The following TMEM132D variants were observed in gnomAD, a reference collection of about 807,000 sequenced individuals.
The protein encoded by TMEM132D is mature OL transmembrane protein.
A neutral mutation model predicts 62.3 loss-of-function variants in TMEM132D; 21 were observed. That is an observed-to-expected ratio of 0.34 (90% CI 0.24 to 0.49). The LOEUF (loss-of-function observed/expected upper bound fraction) is 0.49. TMEM132D is among the 20% of genes least tolerant of loss of function. The pLI, the probability that TMEM132D is intolerant of heterozygous loss-of-function variation, is 0.99. For missense variants in TMEM132D, 1,346 were observed against 1,402.8 expected (o/e 0.96, Z 0.65); for synonymous variants, 621 against 575.6 (o/e 1.08, Z -1.13).
chr12:129,736,812 C>T (rs977598257), intron 1 of TMEM132D, among the ~76,000 whole-genome samples: 1 of 137,994 alleles, frequency 7.2e-6, no homozygotes, highest in African/African-American at 2.8e-5. Context: ...TATGATGGTG[C>T]CTTTTTTTTT....
rs1418585924 is a variant in TMEM132D at position 129,726,459 on chromosome 12, G to T, written c.80-25761C>A. 3.9e-5 allele frequency among the ~76,000 whole-genome samples: 6 copies of T among 152,146 alleles called. No individual in the cohort carries two copies. The South Asian group carries it at 1.2e-3, about 32-fold the overall frequency. ...CAGGAACAGCCTCAGCTCATGAAAG[G>T]CATGGTAAAAAGAGAATGTGTGTGG... is the stretch of plus-strand genomic sequence containing the variant. On this transcript the variant is annotated intron_variant, in intron 1 of 8. Transcript: ENST00000422113.
intron 2 of TMEM132D, among the ~76,000 whole-genome samples, chr12:129,653,806 C>A (rs901595154): frequency 6.6e-6 from 1 of 152,176 alleles, no homozygotes; most frequent in Non-Finnish European, 1.5e-5. Flanking sequence ...TTACGTGAGC[C>A]GGTACATTTG....
chr12:129,747,727 G>T (rs1457185662), intron 1 of TMEM132D, among the ~76,000 whole-genome samples: 1 of 143,170 alleles, frequency 7.0e-6, no homozygotes, highest in Non-Finnish European at 1.5e-5. Context: ...CATACACACA[G>T]ACACACACAC....
chr12:129,550,560 C>T (rs1489716353), intron 2 of TMEM132D, among the ~76,000 whole-genome samples: 2 of 152,178 alleles, frequency 1.3e-5, no homozygotes, highest in East Asian at 3.9e-4. Flanking sequence ...CCAGGTGTTC[C>T]ACTCTGTACA....
chr12:129,632,299 C>T (rs975594290), intron 2 of TMEM132D, among the ~76,000 whole-genome samples: 2 of 152,170 alleles, frequency 1.3e-5, no homozygotes, highest in African/African-American at 2.4e-5. Flanking sequence ...CAAGTGCCTA[C>T]GGCTTGCTTA....
chr12:129,578,423 T>TGTGTGTGC (rs1458947607), intron 2 of TMEM132D, among the ~76,000 whole-genome samples: 1 of 151,116 alleles, frequency 6.6e-6, no homozygotes, highest in Admixed American at 6.6e-5. Context: ...TGTGTGTGTG[T>TGTGTGTGC]GTATATATAT....
rs200903641 is a variant in TMEM132D, at chr12:129,759,117, A to G, written c.80-58419T>C. 7.2e-5 allele frequency among the ~76,000 whole-genome samples: 11 copies of G among 152,096 alleles called. No individual in the cohort carries two copies. The East Asian group carries it at 2.1e-3, about 29-fold the overall frequency. On this transcript the variant is annotated intron_variant, in intron 1 of 8. Coordinates refer to ENST00000422113, the MANE Select transcript of TMEM132D (RefSeq NM_133448.3). ...CCTGGCTAATTTTTGTATTTTTAGT[A>G]GAGACAGGGTTTCACCATGTTGGCC...
At chr12:129,464,280 G>T (rs1423399039) in intron 3 of TMEM132D, among the ~76,000 whole-genome samples, 1 of 152,192 alleles carries the variant, frequency 6.6e-6, no homozygotes, top group Non-Finnish European at 1.5e-5. Flanking sequence ...TTTCTTTTGA[G>T]AAGTGTCTGT....
Position 129,161,815 on chromosome 12 carries a change from C to T in TMEM132D, c.1443+47705G>A, listed in dbSNP as rs140841661. ...TGTCCTGAGAGTGGAGCATTGAAAA[C>T]GCTGTAGTCTTCTAAAGCAGGATCC... is the stretch of plus-strand genomic sequence containing the variant. On this transcript the variant is annotated intron_variant, in intron 5 of 8. Transcript: ENST00000422113. Among the ~76,000 whole-genome samples the T allele has an allele frequency of 1.8e-3, 273 of 152,224 alleles. 2 individuals carry two copies. The highest frequency in any genetic ancestry group is 6.1e-3 in the African/African-American group (255 of 41,544).
chr12:129,471,133 AG>A (rs1271053073), intron 3 of TMEM132D, among the ~76,000 whole-genome samples: 4 of 151,990 alleles, frequency 2.6e-5, no homozygotes, highest in Non-Finnish European at 5.9e-5. Context: ...CCACTTAATT[AG>A]GAATCCTAAT....
chr12:129,687,120 G>A (rs113097341), intron 2 of TMEM132D, among the ~76,000 whole-genome samples: 32 of 152,184 alleles, frequency 2.1e-4, no homozygotes, highest in African/African-American at 5.1e-4. Context: ...CAGAGTCTCC[G>A]GGGCCTTGTG....
intron 1 of TMEM132D, among the ~76,000 whole-genome samples, chr12:129,771,309 C>T (rs1565980050): frequency 6.6e-6 from 1 of 152,184 alleles, no homozygotes; most frequent in Non-Finnish European, 1.5e-5. Context: ...CACTCTGTGC[C>T]TCAATTTCCT....
chr12:129,432,290 C>T (rs865780956), intron 3 of TMEM132D, among the ~76,000 whole-genome samples: 1 of 17,380 alleles, frequency 5.8e-5, no homozygotes, highest in Non-Finnish European at 1.1e-4. Context: ...TGGATGGATG[C>T]TTGGATGGAT....
chr12:129,225,629 C>T (rs191074471), intron 4 of TMEM132D, among the ~76,000 whole-genome samples: 124 of 152,210 alleles, frequency 8.1e-4, no homozygotes, highest in African/African-American at 2.6e-3. Flanking sequence ...AATGAGTTAA[C>T]GCAGGCAAAG....
chr12:129,734,197 A>G (rs1209923724), intron 1 of TMEM132D, among the ~76,000 whole-genome samples: 1 of 152,188 alleles, frequency 6.6e-6, no homozygotes, highest in Non-Finnish European at 1.5e-5. Flanking sequence ...TGCCCATGCC[A>G]ATCATTCTGT....
chr12:129,716,767 T>C (rs534758132), intron 1 of TMEM132D, among the ~76,000 whole-genome samples: 1 of 151,958 alleles, frequency 6.6e-6, no homozygotes, highest in East Asian at 1.9e-4. Context: ...GAGGTAGGAG[T>C]GGAGCCGGGA....
At chr12:129,604,586 C>G (rs1444509105) in intron 2 of TMEM132D, among the ~76,000 whole-genome samples, 4 of 152,234 alleles carry the variant, frequency 2.6e-5, no homozygotes, top group African/African-American at 9.6e-5. Context: ...ATTTCCAGAC[C>G]TGACCCAACT....
chr12:129,185,920 T>G (rs893190257), intron 5 of TMEM132D, among the ~76,000 whole-genome samples: 2 of 152,178 alleles, frequency 1.3e-5, no homozygotes, highest in Non-Finnish European at 1.5e-5. Context: ...ATGTTCTTGT[T>G]TTAATAAAGT....
intron 3 of TMEM132D, among the ~76,000 whole-genome samples, chr12:129,376,986 C>T (rs1054385364): frequency 3.9e-5 from 6 of 152,294 alleles, no homozygotes; most frequent in South Asian, 2.1e-4. Context: ...AAGTCTCCAC[C>T]TTGCGTTTGC....
Sources: allele counts gnomAD v4.1 joint callset (sites outside exome capture counted in the v4.1 genomes callset), GRCh38; gene constraint gnomAD v4.1.1; transcripts MANE v1.5; gene names NCBI Gene and HGNC (gene_info 2026-07-23, HGNC 2026-07-21).